ZBTB46: variants seen among roughly 807,000 people sequenced by gnomAD.
The protein encoded by ZBTB46 is zinc finger and BTB domain containing 46.
A neutral mutation model predicts 44.1 loss-of-function variants in ZBTB46; 8 were observed. The observed-to-expected ratio is 0.18, with a 90% CI of 0.11 to 0.33. The LOEUF is 0.33. Among genes scored for constraint, ZBTB46 ranks in the 10% least tolerant of loss-of-function variants. The probability of loss-of-function intolerance (pLI) is 1.00; values close to 1 mark genes in which losing one functional copy is unlikely to be tolerated. For missense variants in ZBTB46, 651 were observed against 847.7 expected, an observed-to-expected ratio of 0.77 and a Z score of 2.88; for synonymous variants, 409 against 382.3, an observed-to-expected ratio of 1.07 and a Z score of -0.81.
intron 4 of ZBTB46, among the ~76,000 whole-genome samples, chr20:63,751,108 G>A (rs1356790680): frequency 1.3e-5 from 2 of 152,124 alleles, no homozygotes; most frequent in South Asian, 2.1e-4. Context: ...GAAACATGTC[G>A]GCCTGGTGCA....
intron 3 of ZBTB46, among the ~76,000 whole-genome samples, chr20:63,753,713 C>A (rs2092193391): frequency 6.6e-6 from 1 of 152,276 alleles, no homozygotes. Flanking sequence ...TGCAGGACAT[C>A]TTCCCCTCTG....
Position 63,775,392 on chromosome 20 carries a change from CCAACGACTCCTGTGAGA to C in ZBTB46, c.1222+269_1222+285del, listed in dbSNP as rs2092416121. ...GCGACCCGGACGAGCTCGCATTCAGCCAACGACTCCTGTGAGAAACATTCCAGCAAGCACTCGGCTGC... is the reference window on the plus strand; with the variant it reads ...GCGACCCGGACGAGCTCGCATTCAGCAACATTCCAGCAAGCACTCGGCTGC... On this transcript the variant is annotated intron_variant, in intron 3 of 4. Coordinates refer to ENST00000245663, the MANE Select transcript of ZBTB46 (RefSeq NM_001369741.1). The C allele has an allele frequency of 1.6e-5, 6 of 366,102 alleles. No individual in the cohort carries two copies. In the Admixed American group the frequency reaches 1.7e-4, roughly 11 times the overall value. 22.7% of individuals were successfully genotyped at this position (366,102 alleles called of 1,614,324 possible). A position where few individuals can be genotyped will look rare whatever the true frequency, so the allele number is the denominator to read the frequency against.
intron 1 of ZBTB46, among the ~76,000 whole-genome samples, chr20:63,801,016 A>C (rs761739811): frequency 2.6e-5 from 4 of 152,232 alleles, no homozygotes; most frequent in Non-Finnish European, 5.9e-5. Flanking sequence ...GGGGACTTGG[A>C]GAACCTTTAT....
rs1167175994 is a variant in ZBTB46 at position 63,803,170 on chromosome 20, C to A, written c.-33-12380G>T. On this transcript the variant is annotated intron_variant, in intron 1 of 4. Coordinates refer to ENST00000245663, the MANE Select transcript of ZBTB46 (RefSeq NM_001369741.1). This position sits in a 1 kb window ranked among gnomAD's most constrained non-coding sequence, Gnocchi z 4.0. ...ACCATCCCCCAGGATGCCATCCAGG[C>A]AGGGACCAGTGTGGGCACCATCCCC... Among the ~76,000 whole-genome samples the A allele has an allele frequency of 6.6e-6, 1 of 151,862 alleles. No individual in the cohort carries two copies. The highest frequency in any genetic ancestry group is 1.9e-4 in the East Asian group (1 of 5,166).
chr20:63,827,952 G>A (rs1372877948), intron 1 of ZBTB46, among the ~76,000 whole-genome samples: 4 of 152,094 alleles, frequency 2.6e-5, no homozygotes, highest in Admixed American at 6.6e-5. Flanking sequence ...ACAAGGCCTC[G>A]CTCTGTTGCC....
intron 1 of ZBTB46, among the ~76,000 whole-genome samples, chr20:63,801,095 A>C (rs960995454): frequency 6.6e-6 from 1 of 152,188 alleles, no homozygotes; most frequent in African/African-American, 2.4e-5. Flanking sequence ...TAAATGCACC[A>C]ATCAGTACCC....
intron 1 of ZBTB46, among the ~76,000 whole-genome samples, chr20:63,795,445 G>A (rs572616541): frequency 2.6e-5 from 4 of 152,378 alleles, no homozygotes; most frequent in African/African-American, 9.6e-5. Context: ...GCAGTGAGGG[G>A]GGCTGCGTGG....
chr20:63,809,058 C>G (rs2146022674), intron 1 of ZBTB46, among the ~76,000 whole-genome samples: 1 of 151,426 alleles, frequency 6.6e-6, no homozygotes. Flanking sequence ...GACCTGGGAG[C>G]TGGCGGCTCG....
At chr20:63,769,840 C>T (rs1270282808) in intron 3 of ZBTB46, among the ~76,000 whole-genome samples, 1 of 152,208 alleles carries the variant, frequency 6.6e-6, no homozygotes, top group Non-Finnish European at 1.5e-5. Context: ...CACAGGGAAA[C>T]AGTCTTTAAA....
chr20:63,820,895 ATT>A (rs57955289), intron 1 of ZBTB46, among the ~76,000 whole-genome samples: 26,390 of 142,180 alleles, frequency 0.19, 2,786 homozygotes, highest in East Asian at 0.46. Context: ...TGCATGGCTA[ATT>A]TTTTTTTTTT....
chr20:63,755,025 C>T (rs941793022), intron 3 of ZBTB46, among the ~76,000 whole-genome samples: 1 of 152,172 alleles, frequency 6.6e-6, no homozygotes, highest in Non-Finnish European at 1.5e-5. Flanking sequence ...AAATATTTAT[C>T]TCTGTATAGA....
upstream of ZBTB46, among the ~76,000 whole-genome samples, chr20:63,832,157 C>G (rs575563860): frequency 4.2e-4 from 64 of 152,268 alleles, no homozygotes; most frequent in African/African-American, 1.3e-3. The surrounding 1 kb of genome is among the most constrained non-coding windows in gnomAD (Gnocchi z 5.0). Flanking sequence ...TGTGCAGCCC[C>G]GATCCGAACG....
intron 3 of ZBTB46, among the ~76,000 whole-genome samples, chr20:63,773,466 C>T (rs1240766260): frequency 1.3e-5 from 2 of 152,142 alleles, no homozygotes; most frequent in African/African-American, 4.8e-5. Context: ...GACCAAGACA[C>T]ACCAGCTGTA....
At chr20:63,813,928 A>C (rs1186327438) in intron 1 of ZBTB46, among the ~76,000 whole-genome samples, 1 of 152,102 alleles carries the variant, frequency 6.6e-6, no homozygotes, top group Non-Finnish European at 1.5e-5. Context: ...GCTTTAAAAC[A>C]CTTGAGAGAA....
chr20:63,792,093 C>T (rs2092565640), intron 1 of ZBTB46, among the ~76,000 whole-genome samples: 1 of 152,168 alleles, frequency 6.6e-6, no homozygotes, highest in African/African-American at 2.4e-5. Flanking sequence ...ACAAGGACAC[C>T]AGTCGTCCGG....
intron 1 of ZBTB46, among the ~76,000 whole-genome samples, chr20:63,824,045 C>A (rs1470658818): frequency 6.6e-6 from 1 of 152,112 alleles, no homozygotes; most frequent in Admixed American, 6.6e-5. Context: ...TCTTTAGAGA[C>A]CAGAGGCTCA....
chr20:63,808,976 CAAAAAAAAAAAAAAAAAA>C, intron 1 of ZBTB46, among the ~76,000 whole-genome samples: 1 of 75,236 alleles, frequency 1.3e-5, no homozygotes, highest in African/African-American at 4.5e-5. Context: ...GACTCCGCTT[CAAAAAAAAAAAAAAAAAA>C]AAAAAGAAAA....
chr20:63,819,978 G>A (rs186830461), intron 1 of ZBTB46, among the ~76,000 whole-genome samples: 6 of 152,272 alleles, frequency 3.9e-5, no homozygotes, highest in African/African-American at 1.2e-4. Flanking sequence ...ATATATCACC[G>A]TAGGCAGCGA....
intron 1 of ZBTB46, among the ~76,000 whole-genome samples, chr20:63,815,346 A>G (rs2092742961): frequency 6.7e-6 from 1 of 149,418 alleles, no homozygotes; most frequent in Non-Finnish European, 1.5e-5. Context: ...GCATAGGTGC[A>G]GTAGGTGCAG....
Sources: allele counts gnomAD v4.1 joint callset (sites outside exome capture counted in the v4.1 genomes callset), GRCh38; gene constraint gnomAD v4.1.1; non-coding constraint Gnocchi (gnomAD v3.1); transcripts MANE v1.5; gene names NCBI Gene and HGNC (gene_info 2026-07-23, HGNC 2026-07-21).